Variants in RHBDD1 observed in about 807,000 individuals in gnomAD.
The protein encoded by RHBDD1 is rhomboid domain containing 1.
In RHBDD1, 38 loss-of-function variants were observed where a neutral mutation model predicts 36.3. The ratio of observed to expected loss-of-function variants is 1.05; its 90% confidence interval spans 0.81 to 1.37. RHBDD1 has a LOEUF of 1.37. Among genes scored for constraint, RHBDD1 ranks in the 40% most tolerant of loss-of-function variants. The probability of loss-of-function intolerance (pLI) is 0.00; values close to 1 mark genes in which losing one functional copy is unlikely to be tolerated. For missense variants in RHBDD1, 393 were observed against 377.6 expected (o/e 1.04, Z -0.34); for synonymous variants, 151 against 136.5 (o/e 1.11, Z -0.74).
chr2:226,852,907 A>ATTGTTG (rs143263428), intron 3 of RHBDD1, among the ~76,000 whole-genome samples: 28 of 130,484 alleles, frequency 2.1e-4, no homozygotes, highest in African/African-American at 7.2e-4. Flanking sequence ...CTAATTTATT[A>ATTGTTG]TTATTATTAT....
At chr2:226,887,072 T>TGTA (rs750494088) in intron 5 of RHBDD1, among the ~76,000 whole-genome samples, 73 of 152,158 alleles carry the variant, frequency 4.8e-4, no homozygotes, top group Non-Finnish European at 8.4e-4. Context: ...TTTGAAAAGA[T>TGTA]GTAGCCACAG....
Position 226,846,941 on chromosome 2 carries a change from G to A in RHBDD1, c.-91+7314G>A, listed in dbSNP as rs146190929. Among the ~76,000 whole-genome samples the A allele has an allele frequency of 3.2e-3, 483 of 152,232 alleles. 2 individuals are homozygous for A. Among genetic ancestry groups the A allele is most frequent in the African/African-American group, 0.011 (459 of 41,512 alleles). Reference sequence around the variant, plus strand: ...TGTGGAAGTAGTTGTCAGAATTGCAGCTTATGAATTTTTGTCAAGTAGTGG... The same window carrying A: ...TGTGGAAGTAGTTGTCAGAATTGCAACTTATGAATTTTTGTCAAGTAGTGG... On this transcript the variant is annotated intron_variant, in intron 3 of 8. Coordinates refer to ENST00000392062, the MANE Select transcript of RHBDD1 (RefSeq NM_001167608.3).
At chr2:226,818,896 G>A in the RHBDD1 span, among the ~76,000 whole-genome samples, 8 of 152,062 alleles carry the variant, frequency 5.3e-5, no homozygotes, top group Admixed American at 3.9e-4. Flanking sequence ...TGAGAGCACT[G>A]AGCCATGATT....
chr2:226,805,944 C>T, the RHBDD1 span, among the ~76,000 whole-genome samples: 1 of 152,120 alleles, frequency 6.6e-6, no homozygotes, highest in South Asian at 2.1e-4. Flanking sequence ...GATGGATATT[C>T]CGTGCTCTCT....
At chr2:226,958,990 A>G (rs1425775909) in intron 8 of RHBDD1, among the ~76,000 whole-genome samples, 1 of 152,170 alleles carries the variant, frequency 6.6e-6, no homozygotes, top group African/African-American at 2.4e-5. Flanking sequence ...CATAATGTAT[A>G]TGCCCGGAGC....
intron 8 of RHBDD1, among the ~76,000 whole-genome samples, chr2:226,970,853 A>G (rs1953335012): frequency 6.6e-6 from 1 of 152,186 alleles, no homozygotes; most frequent in Non-Finnish European, 1.5e-5. Flanking sequence ...GAGGAGGGAT[A>G]TCGTGCCCAT....
chr2:226,914,539 T>TA (rs1948762077), intron 8 of RHBDD1, 188 bp downstream of exon 8: 1 of 558,020 alleles, frequency 1.8e-6, no homozygotes, highest in Admixed American at 3.3e-5. Context: ...CCTAAGCTAA[T>TA]AAGGTGCCAG....
intron 8 of RHBDD1, among the ~76,000 whole-genome samples, chr2:226,967,735 A>G (rs6723352): frequency 0.017 from 2,544 of 152,178 alleles, 63 homozygotes; most frequent in African/African-American, 0.058. Context: ...AGAAGAGTGT[A>G]GTATGTCCAC....
the RHBDD1 span, among the ~76,000 whole-genome samples, chr2:226,801,726 G>C: frequency 6.6e-6 from 1 of 152,150 alleles, no homozygotes; most frequent in African/African-American, 2.4e-5. Flanking sequence ...GAAATTCTGG[G>C]GGTATAGAGT....
intron 5 of RHBDD1, among the ~76,000 whole-genome samples, chr2:226,892,339 CA>C (rs1946754849): frequency 6.6e-6 from 1 of 152,116 alleles, no homozygotes; most frequent in Admixed American, 6.5e-5. Flanking sequence ...TAACCACAAG[CA>C]GAATTTACTT....
At chr2:226,812,381 C>A in the RHBDD1 span, among the ~76,000 whole-genome samples, 7 of 152,202 alleles carry the variant, frequency 4.6e-5, no homozygotes, top group Non-Finnish European at 7.3e-5. Flanking sequence ...TTTGACCTAG[C>A]AATTCCATCT....
chr2:226,984,206 A>G (rs767124480), intron 8 of RHBDD1, among the ~76,000 whole-genome samples: 19 of 152,240 alleles, frequency 1.2e-4, no homozygotes, highest in Non-Finnish European at 2.5e-4. Context: ...CAAGCTGCCA[A>G]CTTCAAAGAT....
In RHBDD1 at chr2:226,921,407, G is replaced by T. The variant is rs13398258; in HGVS notation, c.856+7056G>T. Among the ~76,000 whole-genome samples the T allele has an allele frequency of 2.6e-3, 402 of 151,812 alleles. 3 individuals are homozygous for T. The highest frequency in any genetic ancestry group is 9.3e-3 in the African/African-American group (385 of 41,396). ...CGTTTTGTTAGCTCTTGCTTTTCCA[G>T]TGGTTTAAGATGAATCATTATGTTA... On this transcript the variant is annotated intron_variant, in intron 8 of 8. Transcript: ENST00000392062.
At chr2:226,970,034 A>G in intron 8 of RHBDD1, among the ~76,000 whole-genome samples, 1 of 121,298 alleles carries the variant, frequency 8.2e-6, no homozygotes, top group South Asian at 2.9e-4. Flanking sequence ...GCTGCTTTTA[A>G]CCTGGTCACA....
intron 8 of RHBDD1, chr2:226,988,633 C>T: frequency 7.5e-7 from 1 of 1,330,960 alleles, no homozygotes; most frequent in Non-Finnish European, 9.6e-7. Context: ...CACATTGGCC[C>T]TGGAGCTTCT....
chr2:226,833,735 T>G (rs74633125), upstream of RHBDD1, among the ~76,000 whole-genome samples: 1 of 152,366 alleles, frequency 6.6e-6, no homozygotes, highest in East Asian at 1.9e-4. Flanking sequence ...AAGAATTTCT[T>G]CTGGCACTGA....
At chr2:226,869,318 A>T (rs1184232632) in intron 5 of RHBDD1, 1 of 327,140 alleles carries the variant, frequency 3.1e-6, no homozygotes, top group African/African-American at 2.2e-5. Context: ...TCTAATATAC[A>T]AGCATCTACT....
chr2:226,850,271 A>G (rs1942677806), intron 3 of RHBDD1, among the ~76,000 whole-genome samples: 1 of 152,178 alleles, frequency 6.6e-6, no homozygotes, highest in Admixed American at 6.5e-5. Context: ...ACTTGAGCAA[A>G]CACCTAAAGA....
At chr2:226,913,776 A>T (rs943039034) in intron 7 of RHBDD1, among the ~76,000 whole-genome samples, 1 of 152,124 alleles carries the variant, frequency 6.6e-6, no homozygotes, top group Non-Finnish European at 1.5e-5. Context: ...TGTATGAAAC[A>T]TTGGTCTGCC....
Sources: gnomAD v4.1 joint callset for allele counts (sites outside exome capture counted in the v4.1 genomes callset) on GRCh38, gnomAD v4.1.1 for gene constraint, MANE v1.5 for transcripts, NCBI Gene and HGNC (gene_info 2026-07-23, HGNC 2026-07-21) for gene names.